The following PTPRD variants were observed in gnomAD, a reference collection of about 807,000 sequenced individuals.
The protein encoded by PTPRD is receptor-type tyrosine-protein phosphatase delta.
In PTPRD, 34 loss-of-function variants were observed where a neutral mutation model predicts 214.5. The observed-to-expected ratio is 0.16, with a 90% confidence interval of 0.12 to 0.21. The LOEUF is 0.21. PTPRD is among the 10% of genes least tolerant of loss of function. PTPRD has a pLI of 1.00. For missense variants in PTPRD, 2,545 were observed against 2,398.7 expected (o/e 1.06, Z -1.27); for synonymous variants, 1,128 against 845.7 (o/e 1.33, Z -5.79).
At chr9:10,256,507 G>A (rs1300321231) in intron 3 of PTPRD, among the ~76,000 whole-genome samples, 2 of 151,844 alleles carry the variant, frequency 1.3e-5, no homozygotes, top group Non-Finnish European at 2.9e-5. Flanking sequence ...GGACCATTGG[G>A]GTATATGTGG....
chr9:8,445,192 G>A (rs537942077), intron 34 of PTPRD, among the ~76,000 whole-genome samples: 2 of 152,174 alleles, frequency 1.3e-5, no homozygotes, highest in East Asian at 3.9e-4. Flanking sequence ...GTAGTTATTG[G>A]TGATACAACT....
At chr9:9,635,145 C>G (rs1239779185) in intron 7 of PTPRD, among the ~76,000 whole-genome samples, 2 of 152,162 alleles carry the variant, frequency 1.3e-5, no homozygotes, top group Admixed American at 1.3e-4. Flanking sequence ...GCCACACAAA[C>G]TGGAATAAGC....
intron 10 of PTPRD, among the ~76,000 whole-genome samples, chr9:9,084,784 G>T (rs564016504): frequency 6.6e-6 from 1 of 152,124 alleles, no homozygotes; most frequent in Non-Finnish European, 1.5e-5. Flanking sequence ...TTGCTTCATA[G>T]TTCACGGACT....
At chr9:9,758,900 A>T (rs2821518) in intron 6 of PTPRD, among the ~76,000 whole-genome samples, 1 of 152,026 alleles carries the variant, frequency 6.6e-6, no homozygotes, top group African/African-American at 2.4e-5. Flanking sequence ...AAAATAAGAC[A>T]CTTTAATAAC....
At chr9:9,664,114 A>G (rs2154381906) in intron 7 of PTPRD, among the ~76,000 whole-genome samples, 2 of 148,804 alleles carry the variant, frequency 1.3e-5, no homozygotes, top group East Asian at 3.9e-4. Context: ...AAAAGAAGTT[A>G]TGACTCTAGG....
intron 3 of PTPRD, among the ~76,000 whole-genome samples, chr9:10,154,493 T>C (rs1386377557): frequency 6.6e-6 from 1 of 152,198 alleles, no homozygotes; most frequent in African/African-American, 2.4e-5. Flanking sequence ...AATTTTTGCA[T>C]TGGTTGCAGT....
At chr9:9,151,591 GA>G (rs2099876828) in intron 10 of PTPRD, among the ~76,000 whole-genome samples, 1 of 152,136 alleles carries the variant, frequency 6.6e-6, no homozygotes, top group South Asian at 2.1e-4. Context: ...GAAACTTTAC[GA>G]AAAATATTCT....
intron 11 of PTPRD, among the ~76,000 whole-genome samples, chr9:8,794,674 T>TC (rs1434645219): frequency 2.0e-5 from 3 of 151,980 alleles, no homozygotes; most frequent in Non-Finnish European, 4.4e-5. Flanking sequence ...CAACATAACT[T>TC]CCCCCTAAAA....
At chr9:10,125,243 C>A (rs1450677836) in intron 3 of PTPRD, among the ~76,000 whole-genome samples, 1 of 151,848 alleles carries the variant, frequency 6.6e-6, no homozygotes, top group Non-Finnish European at 1.5e-5. Context: ...TCTTCATAGT[C>A]CCTAGCTGTT....
rs747085999 is a variant in PTPRD, at chr9:8,528,824, T to C, written c.353-45A>G. 7 of 1,581,748 alleles carry C rather than the reference T, an allele frequency of 4.4e-6. No homozygotes were observed. The South Asian group carries it at 4.4e-5, about 10-fold the overall frequency. ...AGAAACATTCAGTTAATAAGTCAGATGCTCCAAATTCAAGAGATTCCCCAG... is the reference window on the plus strand; with the variant it reads ...AGAAACATTCAGTTAATAAGTCAGACGCTCCAAATTCAAGAGATTCCCCAG... On this transcript the variant is annotated intron_variant, in intron 14 of 45. Transcript: ENST00000381196.
intron 7 of PTPRD, among the ~76,000 whole-genome samples, chr9:9,588,492 T>C (rs113853059): frequency 2.6e-5 from 4 of 152,058 alleles, no homozygotes; most frequent in African/African-American, 9.6e-5. Flanking sequence ...CCAAATTTTA[T>C]ACTTTGGGAG....
At chr9:10,104,006 C>T (rs572000000) in intron 3 of PTPRD, among the ~76,000 whole-genome samples, 1 of 151,714 alleles carries the variant, frequency 6.6e-6, no homozygotes, top group African/African-American at 2.4e-5. Flanking sequence ...GACATTCTGA[C>T]ACATACCACC....
intron 8 of PTPRD, among the ~76,000 whole-genome samples, chr9:9,451,692 C>CA (rs905514212): frequency 1.7e-4 from 25 of 151,142 alleles, no homozygotes; most frequent in South Asian, 4.2e-4. Flanking sequence ...GGTTATGTTT[C>CA]AAAAAAACCC....
intron 8 of PTPRD, among the ~76,000 whole-genome samples, chr9:9,422,897 C>A (rs10759070): frequency 0.8 from 122,319 of 152,006 alleles, 49,349 homozygotes; most frequent in Non-Finnish European, 0.81. Context: ...CTGCTGGCAC[C>A]TTTAAGTTGT....
chr9:9,504,263 T>C (rs2096516595), intron 8 of PTPRD, among the ~76,000 whole-genome samples: 1 of 151,762 alleles, frequency 6.6e-6, no homozygotes, highest in Non-Finnish European at 1.5e-5. Context: ...ATATTTCTAC[T>C]TATTTGACAT....
intron 3 of PTPRD, among the ~76,000 whole-genome samples, chr9:10,308,390 C>A (rs1478352747): frequency 6.6e-6 from 1 of 151,778 alleles, no homozygotes; most frequent in Non-Finnish European, 1.5e-5. Context: ...AAATTTAATT[C>A]TTGGTTATAT....
intron 5 of PTPRD, among the ~76,000 whole-genome samples, chr9:9,910,026 G>C (rs186392618): frequency 6.6e-6 from 1 of 151,864 alleles, no homozygotes; most frequent in Admixed American, 6.6e-5. Context: ...TAAATATATG[G>C]TCTCTGGAGC....
At chr9:8,835,934 A>C (rs1307433898) in intron 11 of PTPRD, among the ~76,000 whole-genome samples, 1 of 152,168 alleles carries the variant, frequency 6.6e-6, no homozygotes, top group Non-Finnish European at 1.5e-5. Context: ...AAGCTTCCTA[A>C]GGAAGTAACT....
In PTPRD at chr9:9,177,398, G is replaced by A. The variant is rs72696833; in HGVS notation, c.-143+5906C>T. On this transcript the variant is annotated intron_variant, in intron 10 of 45. Transcript: ENST00000381196. ...GGGATATAAAACCTAACCATATCAC[G>A]ACCCTAATTGTTTTTTAGCTTCTAT... Among the ~76,000 whole-genome samples, 171 of 152,154 alleles carry A rather than the reference G, an allele frequency of 1.1e-3. 1 individual carries two copies. Among genetic ancestry groups the A allele is most frequent in the Non-Finnish European group, 2.1e-3 (140 of 67,988 alleles).
Sources: allele counts gnomAD v4.1 joint callset (sites outside exome capture counted in the v4.1 genomes callset), GRCh38; gene constraint gnomAD v4.1.1; transcripts MANE v1.5; gene names NCBI Gene and HGNC (gene_info 2026-07-23, HGNC 2026-07-21).